TRIM62: variants seen among roughly 807,000 people sequenced by gnomAD.
TRIM62 encodes E3 ubiquitin-protein ligase TRIM62.
In TRIM62, 39 loss-of-function variants were observed where a neutral mutation model predicts 44.2. The observed-to-expected ratio is 0.88, with a 90% confidence interval of 0.68 to 1.15. The LOEUF (loss-of-function observed/expected upper bound fraction) is 1.15, where lower values mean the gene tolerates loss of function less well. Among genes scored for constraint, TRIM62 ranks in the 50% most tolerant of loss-of-function variants. The pLI is 0.00. For synonymous variants in TRIM62, 278 were observed against 292.3 expected (o/e 0.95, Z 0.50); for missense variants, 544 against 665.5 (o/e 0.82, Z 2.01).
intron 4 of TRIM62, among the ~76,000 whole-genome samples, chr1:33,149,613 C>G (rs1360519432): frequency 6.6e-6 from 1 of 151,810 alleles, no homozygotes; most frequent in Non-Finnish European, 1.5e-5. Context: ...CATCACTATG[C>G]GCAGCTAATT....
At chr1:33,149,655 A>G (rs934560967) in intron 4 of TRIM62, among the ~76,000 whole-genome samples, 2 of 151,914 alleles carry the variant, frequency 1.3e-5, no homozygotes, top group African/African-American at 4.8e-5. Flanking sequence ...AGGTTTCGCA[A>G]TGTTGGCCAG....
intron 1 of TRIM62, among the ~76,000 whole-genome samples, chr1:33,174,970 C>T (rs184168351): frequency 0.06 from 6,545 of 109,926 alleles, 254 homozygotes; most frequent in African/African-American, 0.17. Context: ...TATATATATA[C>T]ACACATATAC....
rs771277906 is a variant in TRIM62, at chr1:33,181,193, C to T, written c.240G>A (p.Leu80=). ...NIVERYSSFP[L]DAILNARRAA... ...CGCGGCGCGCGTTGAGGATGGCGTC[C>T]AGCGGGAAGGAGCTGTAGCGCTCCA... Residue 80 remains leucine, a synonymous_variant, in exon 1 of 5, where the codon CTG becomes CTA. Coordinates refer to ENST00000291416, the MANE Select transcript of TRIM62 (RefSeq NM_018207.3). The surrounding 1 kb of genome is among the most constrained non-coding windows in gnomAD (Gnocchi z 6.5). 1.3e-6 allele frequency: 2 copies of T among 1,591,414 alleles called. No individual in the cohort carries two copies. Among genetic ancestry groups the T allele is most frequent in the Non-Finnish European group, 1.7e-6 (2 of 1,174,544 alleles).
At chr1:33,174,991 A>G (rs1645405303) in intron 1 of TRIM62, among the ~76,000 whole-genome samples, 1 of 147,878 alleles carries the variant, frequency 6.8e-6, no homozygotes, top group Non-Finnish European at 1.5e-5. Flanking sequence ...ATATATATGC[A>G]CACACACATG....
At chr1:33,162,587 AG>A (rs1261036476) in intron 2 of TRIM62, among the ~76,000 whole-genome samples, 1 of 152,116 alleles carries the variant, frequency 6.6e-6, no homozygotes, top group African/African-American at 2.4e-5. Flanking sequence ...GGGGTGAAGG[AG>A]GGAAGAGTCT....
intron 1 of TRIM62, among the ~76,000 whole-genome samples, chr1:33,175,274 T>A (rs577664433): frequency 4.6e-5 from 7 of 151,558 alleles, no homozygotes; most frequent in African/African-American, 1.7e-4. Flanking sequence ...GATCTCAAAC[T>A]CAGGTGATCC....
intron 4 of TRIM62, among the ~76,000 whole-genome samples, chr1:33,154,677 A>T (rs1220819366): frequency 6.6e-6 from 1 of 151,712 alleles, no homozygotes; most frequent in East Asian, 2.0e-4. Flanking sequence ...GTGTGCCTGT[A>T]ATCCCAGCTA....
chr1:33,160,692 A>G (rs1645254131), intron 2 of TRIM62, among the ~76,000 whole-genome samples: 1 of 152,210 alleles, frequency 6.6e-6, no homozygotes, highest in Admixed American at 6.5e-5. Flanking sequence ...GGCGTGAGCC[A>G]TCGTGCCCGG....
At chr1:33,160,069 G>C in intron 2 of TRIM62, 125 bp from the exon 3 acceptor site, 1 of 1,244,142 alleles carries the variant, frequency 8.0e-7, no homozygotes, top group Non-Finnish European at 1.1e-6. Flanking sequence ...CGCGTGGTGG[G>C]GGAAATGTCA....
intron 1 of TRIM62, among the ~76,000 whole-genome samples, chr1:33,175,166 G>A (rs1165268719): frequency 1.3e-5 from 2 of 151,430 alleles, no homozygotes; most frequent in East Asian, 1.9e-4. Context: ...AGCCTCCCGA[G>A]TAGCTGGGAT....
At chr1:33,162,103 T>C (rs1645276697) in intron 2 of TRIM62, among the ~76,000 whole-genome samples, 1 of 152,218 alleles carries the variant, frequency 6.6e-6, no homozygotes, top group African/African-American at 2.4e-5. Context: ...CTCTTGTCTT[T>C]GCCAGCAAAC....
chr1:33,167,601 C>G lies in TRIM62; in HGVS notation c.409-2035G>C, dbSNP rs1645340153. On this transcript the variant is annotated intron_variant, in intron 1 of 4. Transcript: ENST00000291416. This position sits in a 1 kb window ranked among gnomAD's most constrained non-coding sequence, Gnocchi z 4.2. Reference sequence around the variant, plus strand: ...AACAGCCTGGCACTGAGATGGGACTCAATGACGCTTGCTGCGTGAATGAAG... The same window carrying G: ...AACAGCCTGGCACTGAGATGGGACTGAATGACGCTTGCTGCGTGAATGAAG... Among the ~76,000 whole-genome samples the G allele has an allele frequency of 6.6e-6, 1 of 152,180 alleles. No individual in the cohort carries two copies. Among genetic ancestry groups the G allele is most frequent in the Admixed American group, 6.6e-5 (1 of 15,266 alleles).
At position 33,181,362 on chromosome 1, in the gene TRIM62, A is replaced by G. The variant is rs1273605738; in HGVS notation, c.71T>C (p.Leu24Pro). ...CLSIYQDPVS[L>P]GCEHYFCRRC... ...GCGGCAGAAGTAATGCTCGCAGCCC[A>G]GGCTCACCGGGTCCTGGTAGATGCT... The change falls in exon 1 of 5, where the codon CTG becomes CCG. Residue 24 changes from leucine (L) to proline (P), a missense_variant. Coordinates refer to ENST00000291416, the MANE Select transcript of TRIM62 (RefSeq NM_018207.3). The surrounding 1 kb of genome is among the most constrained non-coding windows in gnomAD (Gnocchi z 6.5). 6.3e-7 allele frequency: 1 copy of G among 1,596,826 alleles called. No individual in the cohort carries two copies. The highest frequency in any genetic ancestry group is 8.5e-7 in the Non-Finnish European group (1 of 1,174,766).
intron 4 of TRIM62, among the ~76,000 whole-genome samples, chr1:33,152,337 A>C (rs59459054): frequency 0.023 from 3,530 of 152,268 alleles, 111 homozygotes; most frequent in African/African-American, 0.08. Flanking sequence ...AGGCCGAGGC[A>C]GGCGGATCAC....
intron 1 of TRIM62, among the ~76,000 whole-genome samples, chr1:33,170,848 A>G (rs1645368461): frequency 6.6e-6 from 1 of 152,174 alleles, no homozygotes; most frequent in Non-Finnish European, 1.5e-5. Context: ...GGATAATCAT[A>G]TCTCCTAGGG....
intron 1 of TRIM62, among the ~76,000 whole-genome samples, chr1:33,166,468 C>T (rs1026538269): frequency 3.3e-5 from 5 of 152,050 alleles, no homozygotes; most frequent in African/African-American, 4.8e-5. Context: ...CAACATTCTC[C>T]GAGGGCTACA....
rs200642376 is a variant in TRIM62 at position 33,157,541 on chromosome 1, T to TC, written c.877+711_877+712insG. On this transcript the variant is annotated intron_variant, in intron 4 of 4. Coordinates refer to ENST00000291416, the MANE Select transcript of TRIM62 (RefSeq NM_018207.3). Reference sequence around the variant, plus strand: ...TGCTCTGTATTTTTCTGATTTACTTTTGTCTACTTTCTATCTCACACCCTA... The same window carrying TC: ...TGCTCTGTATTTTTCTGATTTACTTTCTGTCTACTTTCTATCTCACACCCTA... 8.3e-3 allele frequency among the ~76,000 whole-genome samples: 1,270 copies of TC among 152,256 alleles called. 17 individuals are homozygous for TC. Among genetic ancestry groups the TC allele is most frequent in the African/African-American group, 0.029 (1,204 of 41,538 alleles).
intron 1 of TRIM62, among the ~76,000 whole-genome samples, chr1:33,178,875 T>G (rs760849946): frequency 1.3e-5 from 2 of 152,208 alleles, no homozygotes; most frequent in Non-Finnish European, 2.9e-5. Context: ...GGTCATGGGA[T>G]AGAGTACAGA....
chr1:33,159,784 A>G lies in TRIM62; in HGVS notation c.665T>C (p.Leu222Pro), dbSNP rs1196438723. ...EQKVQRYSQQ[L>P]RKVQEGAQIL... ...CTGGGCTCCCTCCTGGACCTTGCGC[A>G]GCTGCTGGCTGTAGCGCTGGACTTT... is the stretch of plus-strand genomic sequence containing the variant. The change falls in exon 3 of 5, where the codon CTG becomes CCG. Residue 222 changes from leucine to proline, a missense_variant. Coordinates refer to ENST00000291416, the MANE Select transcript of TRIM62 (RefSeq NM_018207.3). The surrounding 1 kb of genome is among the most constrained non-coding windows in gnomAD (Gnocchi z 4.2). 6.2e-7 allele frequency: 1 copy of G among 1,613,820 alleles called. No individual in the cohort carries two copies. Among genetic ancestry groups the G allele is most frequent in the East Asian group, 2.2e-5 (1 of 44,882 alleles).
Sources: allele counts gnomAD v4.1 joint callset (sites outside exome capture counted in the v4.1 genomes callset), GRCh38; gene constraint gnomAD v4.1.1; non-coding constraint Gnocchi (gnomAD v3.1); transcripts MANE v1.5; gene names NCBI Gene and HGNC (gene_info 2026-07-23, HGNC 2026-07-21).